The following DBP variants were observed in gnomAD, a reference collection of about 807,000 sequenced individuals.
DBP encodes D-box binding PAR bZIP transcription factor.
Under a neutral mutation model 21.4 loss-of-function variants are expected in DBP, and 12 were observed. The ratio of observed to expected loss-of-function variants is 0.56; its 90% CI spans 0.36 to 0.91. The LOEUF (loss-of-function observed/expected upper bound fraction) is 0.91. DBP is among the 40% of genes least tolerant of loss of function. The probability of loss-of-function intolerance (pLI) is 0.01; values close to 1 mark genes in which losing one functional copy is unlikely to be tolerated. For synonymous variants in DBP, 213 were observed against 224.9 expected (o/e 0.95, Z 0.47); for missense variants, 423 against 473.4 (o/e 0.89, Z 0.99).
Position 48,635,315 on chromosome 19 carries a change from G to T in DBP, c.550+265C>A, listed in dbSNP as rs925137846. ...GAGTATCCACATCGTTTGTCCCCAA[G>T]TCCCACAGAAAAACCCACAAAATCT... On this transcript the variant is annotated intron_variant, in intron 2 of 3. Coordinates refer to ENST00000222122, the MANE Select transcript of DBP (RefSeq NM_001352.5). The T allele has an allele frequency of 2.6e-5, 33 of 1,275,474 alleles. No individual in the cohort carries two copies. In the African/African-American group the frequency reaches 5.0e-4, roughly 19 times the overall value. 79.0% of individuals were successfully genotyped at this position (1,275,474 alleles called of 1,614,324 possible).
In DBP at chr19:48,636,879, C is replaced by T; in HGVS notation, c.116G>A (p.Ser39Asn). The change falls in exon 1 of 4, where the codon AGC becomes AAC. Residue 39 changes from serine (S) to asparagine (N), a missense_variant. Around this residue, in one of 4 missense-constraint regions of DBP, gnomAD observed 283 missense variants for 273.7 expected, o/e 1.03. Transcript: ENST00000222122. ...LGLRSLLQGT[S>N]KPKEPASCLL... is the part of the protein sequence containing the mutation. ...ACAGCTGGCCGGCTCTTTGGGCTTG[C>T]TGGTCCCCTGCAGAAGGCTCCGCAA... The T allele has an allele frequency of 6.2e-7, 1 of 1,609,152 alleles. No individual in the cohort carries two copies. The highest frequency in any genetic ancestry group is 8.5e-7 in the Non-Finnish European group (1 of 1,178,216).
Position 48,635,801 on chromosome 19 carries a change from G to C in DBP, c.329C>G (p.Pro110Arg). 1 of 1,435,680 alleles carries C rather than the reference G, an allele frequency of 7.0e-7. No individual in the cohort carries two copies. The highest frequency in any genetic ancestry group is 9.1e-7 in the Non-Finnish European group (1 of 1,103,130). 88.9% of individuals were successfully genotyped at this position (1,435,680 alleles called of 1,614,324 possible). Residue 110 changes from proline (P) to arginine (R), a missense_variant, in exon 2 of 4, where the codon CCG becomes CGG. By Grantham distance (103) the Pro-to-Arg change is moderately radical. This residue lies in a region of DBP where 283 missense variants were observed against 273.7 expected (regional missense o/e 1.03). Coordinates refer to ENST00000222122, the MANE Select transcript of DBP (RefSeq NM_001352.5). Reference protein sequence around the residue: ...LAPLLWERTLPFGDVEYVDLD... With the variant: ...LAPLLWERTLRFGDVEYVDLD... ...GTCTACGTACTCCACATCGCCGAAC[G>C]GCAGCGTGCGCTCCCACAGCAGTGG...
chr19:48,636,906 C>G lies in DBP; in HGVS notation c.89G>C (p.Gly30Ala). Residue 30 changes from glycine (G) to alanine (A), a missense_variant, in exon 1 of 4, where the codon GGG becomes GCG. This residue lies in a region of DBP where 283 missense variants were observed against 273.7 expected (regional missense o/e 1.03). Coordinates refer to ENST00000222122, the MANE Select transcript of DBP (RefSeq NM_001352.5). ...GTPPGGGALL[G>A]LRSLLQGTSK... ...GGTCCCCTGCAGAAGGCTCCGCAAC[C>G]CAAGCAGCGCTCCCCCGCCAGGGGG... 6.2e-7 allele frequency: 1 copy of G among 1,601,356 alleles called. No individual in the cohort carries two copies. The highest frequency in any genetic ancestry group is 8.5e-7 in the Non-Finnish European group (1 of 1,174,832).
chr19:48,635,687 G>C lies in DBP; in HGVS notation c.443C>G (p.Pro148Arg). Residue 148 changes from proline to arginine, a missense_variant, in exon 2 of 4, where the codon CCC becomes CGC. Physicochemically the swap from Pro to Arg is moderately radical, Grantham distance 103. This residue lies in a region of DBP where 283 missense variants were observed against 273.7 expected (regional missense o/e 1.03). Transcript: ENST00000222122. ...CGAACCCGGCCCTGGGGAGGGTGCGGGCGTCCGCGCGGGCGACGGCTCCGG... is the reference window on the plus strand; with the variant it reads ...CGAACCCGGCCCTGGGGAGGGTGCGCGCGTCCGCGCGGGCGACGGCTCCGG... ...PSPEPSPART[P>R]APSPGPGSCG... 2.3e-6 allele frequency: 3 copies of C among 1,321,878 alleles called. No individual in the cohort carries two copies. The highest frequency in any genetic ancestry group is 2.9e-6 in the Non-Finnish European group (3 of 1,044,258). 81.9% of individuals were successfully genotyped at this position (1,321,878 alleles called of 1,614,324 possible).
In DBP at chr19:48,630,077, G is replaced by T; in HGVS notation, c.*760C>A. ...GACGCTTGCCACCTGCTCCTACCCG[G>T]CCAGGATGGCTGAGGGCGGAGTCTA... is the stretch of plus-strand genomic sequence containing the variant. On this transcript the variant is annotated 3_prime_UTR_variant, in exon 4 of 4. Coordinates refer to ENST00000222122, the MANE Select transcript of DBP (RefSeq NM_001352.5). The surrounding 1 kb of genome is among the most constrained non-coding windows in gnomAD (Gnocchi z 4.9). 2 of 1,280,982 alleles carry T rather than the reference G, an allele frequency of 1.6e-6. No homozygotes were observed. Among genetic ancestry groups the T allele is most frequent in the Non-Finnish European group, 2.0e-6 (2 of 1,013,968 alleles). The allele number at this position is 1,280,982 out of a possible 1,614,324, so 79.4% of individuals were successfully genotyped here.
intron 2 of DBP, chr19:48,635,205 C>T: frequency 9.0e-7 from 1 of 1,111,382 alleles, no homozygotes; most frequent in Non-Finnish European, 1.1e-6. Context: ...TATCCCAGTT[C>T]CATCGATTAT....
intron 3 of DBP, 200 bp downstream of exon 3, chr19:48,633,244 G>A: frequency 3.0e-6 from 2 of 665,104 alleles, no homozygotes; most frequent in South Asian, 3.5e-5. Context: ...CCCTCGCCCA[G>A]TTGACACTGT....
chr19:48,633,840 C>T (rs754514280), intron 2 of DBP, 185 bp from the exon 3 acceptor site: 7 of 604,346 alleles, frequency 1.2e-5, no homozygotes, highest in African/African-American at 1.9e-5. Context: ...GTGGCTCACG[C>T]CTGTAACCCC....
chr19:48,636,034 G>A, intron 1 of DBP, 44 bp from the exon 2 acceptor site: 3 of 1,460,572 alleles, frequency 2.1e-6, no homozygotes, highest in Non-Finnish European at 2.7e-6. Context: ...TGAGGTGGGG[G>A]AGATAGAGAT....
rs139841191 is a variant in DBP at position 48,633,456 on chromosome 19, C to T, written c.750G>A (p.Pro250=). The part of the protein sequence containing the change: ...IMKKARKIQV[P]EEQKDEKYWS... ...CAGCTCTGCTCACCTTCTGCTCCTC[C>T]GGCACCTGGATTTTTCTTGCCTTCT... The change falls in exon 3 of 4, where the codon CCG becomes CCA. Residue 250 remains proline, a synonymous_variant. Coordinates refer to ENST00000222122, the MANE Select transcript of DBP (RefSeq NM_001352.5). The T allele has an allele frequency of 2.2e-4, 356 of 1,614,068 alleles. No homozygotes were observed. The highest frequency in any genetic ancestry group is 2.8e-4 in the Admixed American group (17 of 60,010).
chr19:48,633,225 G>A (rs2030661310), intron 3 of DBP: 3 of 631,008 alleles, frequency 4.8e-6, no homozygotes, highest in Non-Finnish European at 8.5e-6. Context: ...GGGATTACAC[G>A]AGTGAGGCCC....
chr19:48,634,959 T>C, intron 2 of DBP: 1 of 985,750 alleles, frequency 1.0e-6, no homozygotes, highest in Non-Finnish European at 1.2e-6. Flanking sequence ...ACCACGATTC[T>C]GGGATCCCAG....
Position 48,633,459 on chromosome 19 carries a change from C to T in DBP, c.747G>A (p.Val249=), listed in dbSNP as rs770399148. Residue 249 remains valine (V), a synonymous_variant, in exon 3 of 4, where the codon GTG becomes GTA. Transcript: ENST00000222122. Reference sequence around the variant, plus strand: ...CTCTGCTCACCTTCTGCTCCTCCGGCACCTGGATTTTTCTTGCCTTCTTCA... The same window carrying T: ...CTCTGCTCACCTTCTGCTCCTCCGGTACCTGGATTTTTCTTGCCTTCTTCA... ...PIMKKARKIQ[V]PEEQKDEKYW... 7 of 1,614,082 alleles carry T rather than the reference C, an allele frequency of 4.3e-6. No homozygotes were observed. The highest frequency in any genetic ancestry group is 3.4e-6 in the Non-Finnish European group (4 of 1,180,048).
intron 2 of DBP, chr19:48,634,989 G>A: frequency 5.1e-6 from 5 of 985,948 alleles, no homozygotes; most frequent in Non-Finnish European, 6.0e-6. Flanking sequence ...AGGAATATAG[G>A]AAGCTTGGCC....
At position 48,635,705 on chromosome 19, in the gene DBP, G is replaced by A. The variant is rs895951153; in HGVS notation, c.425C>T (p.Pro142Leu). The change falls in exon 2 of 4, where the codon CCG (proline) becomes CTG (leucine). Residue 142 changes from proline to leucine, a missense_variant. Pro to Leu is a moderately conservative substitution (Grantham distance 98, BLOSUM62 -3). This residue lies in a region of DBP where 283 missense variants were observed against 273.7 expected (regional missense o/e 1.03). Transcript: ENST00000222122. ...GGGTGCGGGCGTCCGCGCGGGCGAC[G>A]GCTCCGGCGACGGGCCACCGGGGGG... Reference protein sequence around the residue: ...PPPPGGPSPEPSPARTPAPSP... With the variant: ...PPPPGGPSPELSPARTPAPSP... 4.5e-6 allele frequency: 6 copies of A among 1,326,626 alleles called. No individual in the cohort carries two copies. Among genetic ancestry groups the A allele is most frequent in the African/African-American group, 3.1e-5 (2 of 64,738 alleles). The allele number at this position is 1,326,626 out of a possible 1,614,324, so 82.2% of individuals were successfully genotyped here. A position where few individuals can be genotyped will look rare whatever the true frequency, so the allele number is the denominator to read the frequency against.
rs1568441380 is a variant in DBP, at chr19:48,637,340, G to A, written c.-346C>T. 2 of 273,646 alleles carry A rather than the reference G, an allele frequency of 7.3e-6. No homozygotes were observed. Among genetic ancestry groups the A allele is most frequent in the Non-Finnish European group, 1.4e-5 (2 of 146,182 alleles). The allele number at this position is 273,646 out of a possible 1,614,324, so 17.0% of individuals were successfully genotyped here. ...GGCTCTTGCAAAATCTGCAGCTCTC[G>A]CAACGGAAGGCGCTTTGCAATCTGC... is the stretch of plus-strand genomic sequence containing the variant. On this transcript the variant is annotated 5_prime_UTR_variant, in exon 1 of 4. Coordinates refer to ENST00000222122, the MANE Select transcript of DBP (RefSeq NM_001352.5).
chr19:48,630,434 C>T lies in DBP; in HGVS notation c.*403G>A, dbSNP rs1262024601. ...CTTCTGCCCTTCCTCCATCCGACAG[C>T]CCGCGGGAGGACTCAGACTCCAGCA... is the stretch of plus-strand genomic sequence containing the variant. On this transcript the variant is annotated 3_prime_UTR_variant, in exon 4 of 4. Transcript: ENST00000222122. This position sits in a 1 kb window ranked among gnomAD's most constrained non-coding sequence, Gnocchi z 4.9. 2.1e-6 allele frequency: 3 copies of T among 1,432,412 alleles called. No homozygotes were observed. The highest frequency in any genetic ancestry group is 2.7e-6 in the Non-Finnish European group (3 of 1,096,444). The allele number at this position is 1,432,412 out of a possible 1,614,324, so 88.7% of individuals were successfully genotyped here.
chr19:48,635,461 G>A, intron 2 of DBP, 119 bp downstream of exon 2: 1 of 1,477,468 alleles, frequency 6.8e-7, no homozygotes, highest in Non-Finnish European at 9.0e-7. Flanking sequence ...CTCGACAACT[G>A]GACACAGAAT....
intron 2 of DBP, 122 bp downstream of exon 2, chr19:48,635,458 A>G (rs1477547105): frequency 1.7e-5 from 25 of 1,477,274 alleles, no homozygotes; most frequent in Non-Finnish European, 2.2e-5. Flanking sequence ...CCTCTCGACA[A>G]CTGGACACAG....
Sources: gnomAD v4.1 joint callset for allele counts on GRCh38, gnomAD v4.1.1 for gene constraint, gnomAD v4.1.1 regional missense constraint, Gnocchi (gnomAD v3.1) non-coding constraint, MANE v1.5 for transcripts, NCBI Gene and HGNC (gene_info 2026-07-23, HGNC 2026-07-21) for gene names.